LMO3: variants seen among roughly 807,000 people sequenced by gnomAD.
LMO3 encodes LIM domain only 3.
LMO3 carries 2 observed loss-of-function variants against 15.8 expected under a neutral mutation model. The ratio of observed to expected loss-of-function variants is 0.13; its 90% CI spans 0.05 to 0.40. The LOEUF (loss-of-function observed/expected upper bound fraction) is 0.40, where lower values mean the gene tolerates loss of function less well. Ranked by LOEUF, LMO3 falls within the 10% of genes least tolerant of loss-of-function variation. The pLI, the probability that LMO3 is intolerant of heterozygous loss-of-function variation, is 0.99. For missense variants in LMO3, 86 were observed against 182.2 expected (o/e 0.47, Z 3.04); for synonymous variants, 62 against 63.8 (o/e 0.97, Z 0.13).
rs1943566680 is a variant in LMO3, at chr12:16,593,841, A to G, written c.206+6814T>C. Among the ~76,000 whole-genome samples the G allele has an allele frequency of 6.6e-6, 1 of 151,792 alleles. No homozygotes were observed. The highest frequency in any genetic ancestry group is 1.5e-5 in the Non-Finnish European group (1 of 67,744). ...CAGTATAAACTTCCACTTCAAAATAAGCTTCGTGTAAGCACCTTGAAAAGG... is the reference window on the plus strand; with the variant it reads ...CAGTATAAACTTCCACTTCAAAATAGGCTTCGTGTAAGCACCTTGAAAAGG... On this transcript the variant is annotated intron_variant, in intron 2 of 3. Transcript: ENST00000537304. This position sits in a 1 kb window ranked among gnomAD's most constrained non-coding sequence, Gnocchi z 4.2.
At chr12:16,557,689 C>G (rs1287592609) in intron 3 of LMO3, among the ~76,000 whole-genome samples, 1 of 151,936 alleles carries the variant, frequency 6.6e-6, no homozygotes, top group East Asian at 1.9e-4. Flanking sequence ...AAATAACTAA[C>G]TTTTGAGAAC....
At position 16,589,564 on chromosome 12, in the gene LMO3, G is replaced by A. The variant is rs1285852396; in HGVS notation, c.206+11091C>T. ...AGTCAAGAGCTAACCAAGAAGACAA[G>A]GAATGTAACATATTTAATCAAATAA... On this transcript the variant is annotated intron_variant, in intron 2 of 3. Transcript: ENST00000537304. The surrounding 1 kb of genome is among the most constrained non-coding windows in gnomAD (Gnocchi z 4.2). The A allele has an allele frequency of 6.6e-6, 1 of 151,994 alleles. No homozygotes were observed. The highest frequency in any genetic ancestry group is 2.4e-5 in the African/African-American group (1 of 41,384). The allele number at this position is 151,994 out of a possible 1,614,324, so 9.4% of individuals were successfully genotyped here.
rs984833163 is a variant in LMO3 at position 16,551,081 on chromosome 12, G to A, written c.*141C>T. The stretch of plus-strand genomic sequence containing the variant: ...ATTTCACTACATACAGATGCAGTCC[G>A]CCTTTTATTCCATATAACCATCCTG... On this transcript the variant is annotated 3_prime_UTR_variant, in exon 4 of 4. Coordinates refer to ENST00000537304, the MANE Select transcript of LMO3 (RefSeq NM_018640.5). 1.3e-4 allele frequency: 76 copies of A among 571,628 alleles called. 2 individuals carry two copies. The highest frequency in any genetic ancestry group is 3.7e-4 in the East Asian group (14 of 37,378). The allele number at this position is 571,628 out of a possible 1,614,324, so 35.4% of individuals were successfully genotyped here.
intron 2 of LMO3, chr12:16,573,427 G>T (rs907825279): frequency 6.6e-6 from 1 of 152,144 alleles, no homozygotes; most frequent in Non-Finnish European, 1.5e-5. Context: ...ATTTGAACGC[G>T]TGTGTGCGTG....
intron 2 of LMO3, among the ~76,000 whole-genome samples, chr12:16,563,713 T>C (rs1030820197): frequency 1.4e-4 from 21 of 152,172 alleles, no homozygotes; most frequent in Non-Finnish European, 2.8e-4. Flanking sequence ...ATCCTCTAGA[T>C]AAGAGGGCCT....
At chr12:16,608,376 G>C (rs1436711740), upstream of LMO3, among the ~76,000 whole-genome samples, 1 of 152,064 alleles carries the variant, frequency 6.6e-6, no homozygotes, top group Non-Finnish European at 1.5e-5. This position sits in a 1 kb window ranked among gnomAD's most constrained non-coding sequence, Gnocchi z 4.1. Flanking sequence ...GCTGGCAACT[G>C]CTGCTCTGTA....
Position 16,600,725 on chromosome 12 carries a change from G to A in LMO3, c.136C>T (p.Arg46Cys). Residue 46 changes from arginine (R) to cysteine (C), a missense_variant, in exon 2 of 4, where the codon CGC becomes TGC. Transcript: ENST00000537304. ...AGGGTGGAGCCCACCTCTCCCAAGC[G>A]ACAGTCACAGCAGGCACACTTCAGG... ...DCLKCACCDC[R>C]LGEVGSTLYT... is the part of the protein sequence containing the mutation. 1.9e-6 allele frequency: 3 copies of A among 1,614,136 alleles called. No homozygotes were observed. The highest frequency in any genetic ancestry group is 1.1e-5 in the South Asian group (1 of 91,080).
At position 16,559,797 on chromosome 12, in the gene LMO3, T is replaced by TG. The variant is rs1411846955; in HGVS notation, c.332+615dup. On this transcript the variant is annotated intron_variant, in intron 3 of 3. Coordinates refer to ENST00000537304, the MANE Select transcript of LMO3 (RefSeq NM_018640.5). The surrounding 1 kb of genome is among the most constrained non-coding windows in gnomAD (Gnocchi z 4.1). ...GAAACTCCATCATCTCTATAAAAAA[T>TG]GAAAAAAAAAAAAAATTAGCCAGGC... 5.8e-5 allele frequency among the ~76,000 whole-genome samples: 7 copies of TG among 121,458 alleles called. No individual in the cohort carries two copies. In the South Asian group the frequency reaches 1.5e-3, roughly 26 times the overall value. 79.7% of individuals were successfully genotyped at this position (121,458 alleles called of 152,430 possible).
chr12:16,600,024 G>A (rs961484167), intron 2 of LMO3: 3 of 151,954 alleles, frequency 2.0e-5, no homozygotes, highest in African/African-American at 7.3e-5. Flanking sequence ...TCTACACTTG[G>A]GGAAAGTTTT....
Position 16,576,979 on chromosome 12 carries a change from C to T in LMO3, c.207-16441G>A, listed in dbSNP as rs1345224199. On this transcript the variant is annotated intron_variant, in intron 2 of 3. Transcript: ENST00000537304. This position sits in a 1 kb window ranked among gnomAD's most constrained non-coding sequence, Gnocchi z 4.1. The stretch of plus-strand genomic sequence containing the variant: ...GCAAAGCTATATGAGTAAAACTACA[C>T]TGGAAGCTTGCTAGGCAACATGAGA... Among the ~76,000 whole-genome samples, 1 of 152,188 alleles carries T rather than the reference C, an allele frequency of 6.6e-6. No individual in the cohort carries two copies. The highest frequency in any genetic ancestry group is 1.5e-5 in the Non-Finnish European group (1 of 68,024).
intron 2 of LMO3, among the ~76,000 whole-genome samples, chr12:16,595,267 A>G (rs1943613289): frequency 6.6e-6 from 1 of 151,504 alleles, no homozygotes; most frequent in African/African-American, 2.4e-5. Flanking sequence ...CTAAAACAAA[A>G]AGCCACAAAA....
At position 16,550,922 on chromosome 12, in the gene LMO3, A is replaced by G. The variant is rs1371856434; in HGVS notation, c.*300T>C. 5 of 258,358 alleles carry G rather than the reference A, an allele frequency of 1.9e-5. No individual in the cohort carries two copies. Among genetic ancestry groups the G allele is most frequent in the African/African-American group, 4.4e-5 (2 of 45,876 alleles). 16.0% of individuals were successfully genotyped at this position (258,358 alleles called of 1,614,324 possible). ...TTACATTTGTGCTTCAAATATTACA[A>G]TACATTATATACAATAGTCCAAAAT... On this transcript the variant is annotated 3_prime_UTR_variant, in exon 4 of 4. Coordinates refer to ENST00000537304, the MANE Select transcript of LMO3 (RefSeq NM_018640.5).
Position 16,555,338 on chromosome 12 carries a change from C to T in LMO3, c.333-4011G>A, listed in dbSNP as rs1442044018. On this transcript the variant is annotated intron_variant, in intron 3 of 3. Coordinates refer to ENST00000537304, the MANE Select transcript of LMO3 (RefSeq NM_018640.5). The surrounding 1 kb of genome is among the most constrained non-coding windows in gnomAD (Gnocchi z 5.5). ...TTGCTTATTCTGATGTTTCCCAAAGCACTTATTTATTGGTGTATTGTTTAT... is the reference window on the plus strand; with the variant it reads ...TTGCTTATTCTGATGTTTCCCAAAGTACTTATTTATTGGTGTATTGTTTAT... 6.6e-6 allele frequency among the ~76,000 whole-genome samples: 1 copy of T among 152,168 alleles called. No homozygotes were observed.
chr12:16,560,673 C>G lies in LMO3; in HGVS notation c.207-135G>C, dbSNP rs572132454. The G allele has an allele frequency of 2.3e-4, 167 of 741,720 alleles. No individual in the cohort carries two copies. Among genetic ancestry groups the G allele is most frequent in the Admixed American group, 9.4e-4 (37 of 39,508 alleles). 45.9% of individuals were successfully genotyped at this position (741,720 alleles called of 1,614,324 possible). A position where few individuals can be genotyped will look rare whatever the true frequency, so the allele number is the denominator to read the frequency against. On this transcript the variant is annotated intron_variant, in intron 2 of 3. Transcript: ENST00000537304. This position sits in a 1 kb window ranked among gnomAD's most constrained non-coding sequence, Gnocchi z 5.0. The stretch of plus-strand genomic sequence containing the variant: ...ATGATGTACACAAGTGGATTTTATC[C>G]TAGGTGTATGCATAAATATTCTTCT...
In LMO3 at chr12:16,586,360, A is replaced by G. The variant is rs1163912577; in HGVS notation, c.206+14295T>C. Among the ~76,000 whole-genome samples the G allele has an allele frequency of 6.6e-6, 1 of 152,146 alleles. No individual in the cohort carries two copies. Among genetic ancestry groups the G allele is most frequent in the Non-Finnish European group, 1.5e-5 (1 of 68,026 alleles). On this transcript the variant is annotated intron_variant, in intron 2 of 3. Transcript: ENST00000537304. The surrounding 1 kb of genome is among the most constrained non-coding windows in gnomAD (Gnocchi z 4.3). ...ACTAAAACACGTGCATGAATGGAGA[A>G]CCACTGCATGGCTGTGGCAAGGAGA...
intron 2 of LMO3, among the ~76,000 whole-genome samples, chr12:16,562,247 TAGG>T (rs1942433442): frequency 6.6e-6 from 1 of 152,176 alleles, no homozygotes; most frequent in Non-Finnish European, 1.5e-5. Context: ...ATGATCTGCT[TAGG>T]AGATCTGCTT....
intron 2 of LMO3, among the ~76,000 whole-genome samples, chr12:16,590,074 A>G (rs2137610689): frequency 6.6e-6 from 1 of 152,264 alleles, no homozygotes; most frequent in East Asian, 1.9e-4. Flanking sequence ...AGCCCATTTT[A>G]TAAATATACA....
intron 2 of LMO3, chr12:16,573,493 A>T (rs1394287973): frequency 7.9e-5 from 12 of 152,202 alleles, no homozygotes; most frequent in African/African-American, 2.7e-4. Context: ...CCTACTAGTT[A>T]TCTCTTTTTA....
chr12:16,569,285 C>G (rs1378141785), intron 2 of LMO3, among the ~76,000 whole-genome samples: 1 of 152,160 alleles, frequency 6.6e-6, no homozygotes, highest in East Asian at 1.9e-4. Flanking sequence ...TTTTCCTTCT[C>G]ACTATACTTC....
Sources: gnomAD v4.1 joint callset for allele counts (sites outside exome capture counted in the v4.1 genomes callset) on GRCh38, gnomAD v4.1.1 for gene constraint, Gnocchi (gnomAD v3.1) non-coding constraint, MANE v1.5 for transcripts, NCBI Gene and HGNC (gene_info 2026-07-23, HGNC 2026-07-21) for gene names.